The following ASPG variants were observed in gnomAD, a reference collection of about 807,000 sequenced individuals.
The protein encoded by ASPG is asparaginase.
ASPG carries 53 observed loss-of-function variants against 63.2 expected under a neutral mutation model. The observed-to-expected ratio is 0.84, with a 90% CI of 0.67 to 1.05. The LOEUF (loss-of-function observed/expected upper bound fraction) is 1.05. Ranked by LOEUF, ASPG falls within the 50% of genes least tolerant of loss-of-function variation. ASPG has a pLI of 0.00. For synonymous variants in ASPG, 370 were observed against 355.0 expected, an observed-to-expected ratio of 1.04 and a Z score of -0.48; for missense variants, 741 against 794.4, an observed-to-expected ratio of 0.93 and a Z score of 0.81.
rs2037325665 is a variant in ASPG at position 104,110,141 on chromosome 14, G to A, written c.1520+826G>A. 1 of 985,254 alleles carries A rather than the reference G, an allele frequency of 1.0e-6. No individual in the cohort carries two copies. The highest frequency in any genetic ancestry group is 6.1e-5 in the Admixed American group (1 of 16,266). The allele number at this position is 985,254 out of a possible 1,614,324, so 61.0% of individuals were successfully genotyped here. ...ACCCAAAAAGGAGAGTCGGAGGCAG[G>A]AGACCTGGGCCGGGTGCAGGTGGTG... On this transcript the variant is annotated intron_variant, in intron 13 of 15. Transcript: ENST00000551177. The surrounding 1 kb of genome is among the most constrained non-coding windows in gnomAD (Gnocchi z 4.7).
Position 104,109,894 on chromosome 14 carries a change from C to A in ASPG, c.1520+579C>A. On this transcript the variant is annotated intron_variant, in intron 13 of 15. Transcript: ENST00000551177. This position sits in a 1 kb window ranked among gnomAD's most constrained non-coding sequence, Gnocchi z 4.8. ...GCTGCCGAGTGACCACCGAGGCAGG[C>A]TCAGGCCTTCTGACATCATGTTGTT... is the stretch of plus-strand genomic sequence containing the variant. 1.0e-6 allele frequency: 1 copy of A among 954,284 alleles called. No individual in the cohort carries two copies. Among genetic ancestry groups the A allele is most frequent in the Non-Finnish European group, 1.2e-6 (1 of 801,610 alleles). 59.1% of individuals were successfully genotyped at this position (954,284 alleles called of 1,614,324 possible).
Position 104,110,945 on chromosome 14 carries a change from C to T in ASPG, c.1521-557C>T. On this transcript the variant is annotated intron_variant, in intron 13 of 15. Transcript: ENST00000551177. This position sits in a 1 kb window ranked among gnomAD's most constrained non-coding sequence, Gnocchi z 4.7. ...AGACCCCTGTCCCAGCCAGGACCCC[C>T]CCATGCAGTCTGCCGGGGTCCAGGG... The T allele has an allele frequency of 1.0e-6, 1 of 985,406 alleles. No homozygotes were observed. Among genetic ancestry groups the T allele is most frequent in the African/African-American group, 1.7e-5 (1 of 57,352 alleles). 61.0% of individuals were successfully genotyped at this position (985,406 alleles called of 1,614,324 possible).
chr14:104,103,875 GGGCAGGGT>G (rs779522780), intron 7 of ASPG, among the ~76,000 whole-genome samples, 200 bp downstream of exon 7: 70 of 152,356 alleles, frequency 4.6e-4, no homozygotes, highest in Non-Finnish European at 7.5e-4. Context: ...CTCGGGGAGT[GGGCAGGGT>G]TGGGGCGCGG....
chr14:104,098,826 C>G lies in ASPG; in HGVS notation c.514-27C>G, dbSNP rs761813566. The G allele has an allele frequency of 1.4e-5, 23 of 1,610,092 alleles. No homozygotes were observed. The South Asian group carries it at 2.4e-4, about 17-fold the overall frequency. Reference sequence around the variant, plus strand: ...GGTCGGGGACAGGGTGGCCGCTGCTCTGAACTCTGTCGCTCCGTTCCCGCA... The same window carrying G: ...GGTCGGGGACAGGGTGGCCGCTGCTGTGAACTCTGTCGCTCCGTTCCCGCA... On this transcript the variant is annotated intron_variant, in intron 5 of 15. Coordinates refer to ENST00000551177, the MANE Select transcript of ASPG (RefSeq NM_001080464.3).
chr14:104,100,141 A>G (rs2036808197), intron 6 of ASPG, among the ~76,000 whole-genome samples: 1 of 152,124 alleles, frequency 6.6e-6, no homozygotes, highest in African/African-American at 2.4e-5. Context: ...GGGTTGGGCT[A>G]TGGGCTGCTG....
intron 6 of ASPG, among the ~76,000 whole-genome samples, chr14:104,102,443 A>T (rs2036920233): frequency 6.6e-6 from 1 of 152,126 alleles, no homozygotes; most frequent in Admixed American, 6.5e-5. Context: ...CCTCCTGCCC[A>T]GGTTCCTGTC....
intron 12 of ASPG, chr14:104,108,641 C>G: frequency 1.0e-6 from 1 of 985,448 alleles, no homozygotes; most frequent in African/African-American, 1.7e-5. Context: ...TGTGTGGCCT[C>G]CGGCCTCGGG....
rs1241666819 is a variant in ASPG, at chr14:104,112,666, C to G, written c.*122C>G. On this transcript the variant is annotated 3_prime_UTR_variant, in exon 16 of 16. Transcript: ENST00000551177. Reference sequence around the variant, plus strand: ...CCTGCTCTCATGTAAAGCCTGAAGGCCTTTGTTGGGCAGGACGGCAATAAA... The same window carrying G: ...CCTGCTCTCATGTAAAGCCTGAAGGGCTTTGTTGGGCAGGACGGCAATAAA... 1.3e-6 allele frequency: 2 copies of G among 1,539,306 alleles called. No individual in the cohort carries two copies. Among genetic ancestry groups the G allele is most frequent in the African/African-American group, 2.7e-5 (2 of 73,166 alleles).
intron 3 of ASPG, among the ~76,000 whole-genome samples, chr14:104,095,257 C>T (rs1402220288): frequency 3.3e-5 from 5 of 152,186 alleles, no homozygotes; most frequent in African/African-American, 1.2e-4. Context: ...GTGCAGAGGC[C>T]CCTTGGAGGG....
At chr14:104,100,181 C>T (rs1285161213) in intron 6 of ASPG, among the ~76,000 whole-genome samples, 1 of 152,192 alleles carries the variant, frequency 6.6e-6, no homozygotes, top group African/African-American at 2.4e-5. Flanking sequence ...AATCCCCAGA[C>T]ACAGGCAAGG....
intron 5 of ASPG, 30 bp downstream of exon 5, chr14:104,097,667 C>A: frequency 1.3e-6 from 2 of 1,548,356 alleles, no homozygotes; most frequent in Admixed American, 2.0e-5. Flanking sequence ...GGAGGCGGGG[C>A]AGGTGGGGTG....
intron 3 of ASPG, among the ~76,000 whole-genome samples, chr14:104,094,928 T>G (rs951107270): frequency 3.3e-5 from 5 of 152,184 alleles, no homozygotes; most frequent in African/African-American, 1.2e-4. Context: ...AGGCTTCGTA[T>G]GGAGCCCTGG....
At chr14:104,111,874 C>G in intron 14 of ASPG, 46 bp from the exon 15 acceptor site, 1 of 1,527,284 alleles carries the variant, frequency 6.5e-7, no homozygotes, top group Non-Finnish European at 8.9e-7. Flanking sequence ...GGCCAGGCTG[C>G]TAGTCAGTGG....
intron 15 of ASPG, 120 bp from the exon 16 acceptor site, chr14:104,112,404 C>G (rs970102320): frequency 6.9e-6 from 5 of 723,820 alleles, no homozygotes; most frequent in Non-Finnish European, 1.3e-5. Flanking sequence ...CCCATAGTCT[C>G]AAGCTGGGTT....
intron 13 of ASPG, chr14:104,111,083 A>T: frequency 1.0e-6 from 1 of 985,428 alleles, no homozygotes; most frequent in Non-Finnish European, 1.2e-6. Flanking sequence ...TGTGTTGTGT[A>T]ACACGAAACT....
chr14:104,106,803 C>CAGAT lies in ASPG; in HGVS notation c.1179_1182dup (p.Ala395ArgfsTer20). ...GGTGCCGCCTTCCCCACCTAGGAGGCAGATGCCCTGCGGAATGCCCTGGTG... is the reference window on the plus strand; with the variant it reads ...GGTGCCGCCTTCCCCACCTAGGAGGCAGATAGATGCCCTGCGGAATGCCCTGGTG... On this transcript the variant is annotated frameshift_variant, in exon 11 of 16. Transcript: ENST00000551177. LOFTEE classifies it high-confidence loss of function. 1 of 1,595,040 alleles carries CAGAT rather than the reference C, an allele frequency of 6.3e-7. No individual in the cohort carries two copies. The highest frequency in any genetic ancestry group is 1.1e-5 in the South Asian group (1 of 87,554).
At chr14:104,102,975 C>G (rs1314372678) in intron 6 of ASPG, among the ~76,000 whole-genome samples, 1 of 152,210 alleles carries the variant, frequency 6.6e-6, no homozygotes, top group Non-Finnish European at 1.5e-5. Flanking sequence ...GAGGCCTTCT[C>G]TCCCCAGAGG....
Position 104,110,105 on chromosome 14 carries a change from G to A in ASPG, c.1520+790G>A, listed in dbSNP as rs767022606. Reference sequence around the variant, plus strand: ...AGCCTGGGCTGCCCGAGGCCAGGACGACTCCGAGGGACCCAAAAAGGAGAG... The same window carrying A: ...AGCCTGGGCTGCCCGAGGCCAGGACAACTCCGAGGGACCCAAAAAGGAGAG... On this transcript the variant is annotated intron_variant, in intron 13 of 15. Transcript: ENST00000551177. The surrounding 1 kb of genome is among the most constrained non-coding windows in gnomAD (Gnocchi z 4.7). The A allele has an allele frequency of 2.3e-4, 226 of 985,234 alleles. No homozygotes were observed. The highest frequency in any genetic ancestry group is 2.8e-4 in the South Asian group (6 of 21,284). 61.0% of individuals were successfully genotyped at this position (985,234 alleles called of 1,614,324 possible).
chr14:104,086,181 C>T (rs2036217655), intron 1 of ASPG, among the ~76,000 whole-genome samples: 1 of 152,194 alleles, frequency 6.6e-6, no homozygotes, highest in Non-Finnish European at 1.5e-5. Context: ...GGCCCCAGGG[C>T]ATTGGCCTGC....
Sources: allele counts gnomAD v4.1 joint callset (sites outside exome capture counted in the v4.1 genomes callset), GRCh38; gene constraint gnomAD v4.1.1; non-coding constraint Gnocchi (gnomAD v3.1); transcripts MANE v1.5; gene names NCBI Gene and HGNC (gene_info 2026-07-23, HGNC 2026-07-21).